Variants in SLC25A33 observed in about 807,000 individuals in gnomAD.
SLC25A33 encodes bone marrow stromal cell mitochondrial carrier protein.
Under a neutral mutation model 35.5 loss-of-function variants are expected in SLC25A33, and 15 were observed. The ratio of observed to expected loss-of-function variants is 0.42; its 90% CI spans 0.28 to 0.65. The LOEUF (loss-of-function observed/expected upper bound fraction) is 0.65, where lower values mean the gene tolerates loss of function less well. Among genes scored for constraint, SLC25A33 ranks in the 30% least tolerant of loss-of-function variants. The pLI, the probability that SLC25A33 is intolerant of heterozygous loss-of-function variation, is 0.20. For synonymous variants in SLC25A33, 136 were observed against 148.7 expected (o/e 0.91, Z 0.62); for missense variants, 257 against 398.5 (o/e 0.64, Z 3.02).
chr1:9,576,741 T>C lies in SLC25A33; in HGVS notation c.483-3213T>C, dbSNP rs568270640. On this transcript the variant is annotated intron_variant, in intron 5 of 6. Coordinates refer to ENST00000302692, the MANE Select transcript of SLC25A33 (RefSeq NM_032315.3). ...ACATTGTTATCCAGGAGGATGGGTC[T>C]CTTGTTGAAATCCGAAATTTCTTGG... 113 of 899,092 alleles carry C rather than the reference T, an allele frequency of 1.3e-4. No individual in the cohort carries two copies. The Middle Eastern group carries it at 1.3e-3, about 11-fold the overall frequency. The allele number at this position is 899,092 out of a possible 1,614,324, so 55.7% of individuals were successfully genotyped here.
At chr1:9,561,074 T>G (rs1011302415) in intron 2 of SLC25A33, among the ~76,000 whole-genome samples, 3 of 151,776 alleles carry the variant, frequency 2.0e-5, no homozygotes, top group Non-Finnish European at 1.5e-5. Flanking sequence ...CTCAGCCTCC[T>G]GAGTAGCTGG....
At position 9,580,091 on chromosome 1, in the gene SLC25A33, A is replaced by G; in HGVS notation, c.620A>G (p.Tyr207Cys). The stretch of plus-strand genomic sequence containing the variant: ...GAAACTATAATCTGCTTTGCTATTT[A>G]TGAAAGTTTAAAGAAGTATCTGAAA... ...ISETIICFAIYESLKKYLKEA... is the reference protein window; with the variant it reads ...ISETIICFAICESLKKYLKEA... Residue 207 changes from tyrosine to cysteine, a missense_variant, in exon 6 of 7, where the codon TAT becomes TGT. Physicochemically the swap from Tyr to Cys is radical, Grantham distance 194. Transcript: ENST00000302692. The G allele has an allele frequency of 6.2e-7, 1 of 1,612,954 alleles. No individual in the cohort carries two copies. The highest frequency in any genetic ancestry group is 8.5e-7 in the Non-Finnish European group (1 of 1,179,196).
rs376728272 is a variant in SLC25A33 at position 9,560,982 on chromosome 1, C to T, written c.237-6302C>T. On this transcript the variant is annotated intron_variant, in intron 2 of 6. Coordinates refer to ENST00000302692, the MANE Select transcript of SLC25A33 (RefSeq NM_032315.3). ...TTTTTTTTTTTGAGGCAGAGTCTTGCTCTGTCGCCCAGGCTGGAGTGCAGT... is the reference window on the plus strand; with the variant it reads ...TTTTTTTTTTTGAGGCAGAGTCTTGTTCTGTCGCCCAGGCTGGAGTGCAGT... Among the ~76,000 whole-genome samples, 679 of 146,218 alleles carry T rather than the reference C, an allele frequency of 4.6e-3. 5 individuals are homozygous for T. The highest frequency in any genetic ancestry group is 0.016 in the African/African-American group (631 of 39,394).
intron 5 of SLC25A33, 31 bp downstream of exon 5, chr1:9,573,443 A>G: frequency 6.3e-7 from 1 of 1,592,806 alleles, no homozygotes; most frequent in Non-Finnish European, 8.6e-7. Flanking sequence ...TCCTTAATGA[A>G]AGGATTTTTG....
intron 2 of SLC25A33, among the ~76,000 whole-genome samples, chr1:9,560,273 GA>G (rs540141779): frequency 6.8e-6 from 1 of 147,604 alleles, no homozygotes. Context: ...AAAGAGAAAA[GA>G]AAAAAAACCC....
chr1:9,579,273 A>C (rs1643704443), intron 5 of SLC25A33, among the ~76,000 whole-genome samples: 2 of 152,126 alleles, frequency 1.3e-5, no homozygotes, highest in African/African-American at 4.8e-5. Context: ...ACTGTCTACC[A>C]GGAGACAGCC....
At chr1:9,573,902 A>T (rs1382620112) in intron 5 of SLC25A33, among the ~76,000 whole-genome samples, 1 of 152,088 alleles carries the variant, frequency 6.6e-6, no homozygotes, top group Admixed American at 6.6e-5. Flanking sequence ...GGCTCTGTGG[A>T]TTCCTTTGGT....
At chr1:9,557,648 A>G (rs1643363026) in intron 2 of SLC25A33, among the ~76,000 whole-genome samples, 1 of 152,200 alleles carries the variant, frequency 6.6e-6, no homozygotes, top group South Asian at 2.1e-4. Context: ...GATCTCTCAA[A>G]CGGATTCTTG....
intron 2 of SLC25A33, among the ~76,000 whole-genome samples, chr1:9,563,026 C>A (rs1643448943): frequency 6.7e-6 from 1 of 149,902 alleles, no homozygotes; most frequent in Non-Finnish European, 1.5e-5. Flanking sequence ...TCACGCCATT[C>A]TCCTGCTTCA....
Position 9,582,480 on chromosome 1 carries a change from G to C in SLC25A33, c.945G>C (p.Leu315=). ...VLSTYELIVY[L]LEDRTQ is the part of the protein sequence containing the mutation. ...CTACTTATGAGTTAATTGTGTACCT[G>C]TTAGAAGACCGTACTCAGTAACAGG... Residue 315 remains leucine, a synonymous_variant, in exon 7 of 7, where the codon CTG becomes CTC. Transcript: ENST00000302692. The surrounding 1 kb of genome is among the most constrained non-coding windows in gnomAD (Gnocchi z 4.0). The C allele has an allele frequency of 6.2e-7, 1 of 1,613,368 alleles. No homozygotes were observed. Among genetic ancestry groups the C allele is most frequent in the East Asian group, 2.2e-5 (1 of 44,876 alleles).
chr1:9,548,643 A>G (rs1643215165), intron 1 of SLC25A33, among the ~76,000 whole-genome samples: 1 of 152,296 alleles, frequency 6.6e-6, no homozygotes, highest in East Asian at 1.9e-4. Flanking sequence ...ATAGAATGTT[A>G]TTTCTTTCTG....
intron 1 of SLC25A33, among the ~76,000 whole-genome samples, chr1:9,540,986 C>CTT (rs113357790): frequency 6.8e-6 from 1 of 146,096 alleles, no homozygotes; most frequent in African/African-American, 2.5e-5. Flanking sequence ...TTGAGACTTC[C>CTT]TTTTTTTTTT....
In SLC25A33 at chr1:9,582,602, G is replaced by T; in HGVS notation, c.*101G>T. The T allele has an allele frequency of 8.6e-7, 1 of 1,162,162 alleles. No homozygotes were observed. Among genetic ancestry groups the T allele is most frequent in the South Asian group, 1.6e-5 (1 of 63,970 alleles). The allele number at this position is 1,162,162 out of a possible 1,614,324, so 72.0% of individuals were successfully genotyped here. A position where few individuals can be genotyped will look rare whatever the true frequency, so the allele number is the denominator to read the frequency against. The stretch of plus-strand genomic sequence containing the variant: ...AAAGTTTGAGACTGAAACAGGAAAG[G>T]CCATAAAATATCTGGTTCATATCAC... On this transcript the variant is annotated 3_prime_UTR_variant, in exon 7 of 7. Coordinates refer to ENST00000302692, the MANE Select transcript of SLC25A33 (RefSeq NM_032315.3). This position sits in a 1 kb window ranked among gnomAD's most constrained non-coding sequence, Gnocchi z 4.0.
At chr1:9,570,156 A>T (rs1297810571) in intron 3 of SLC25A33, 102 bp from the exon 4 acceptor site, 5 of 976,196 alleles carry the variant, frequency 5.1e-6, no homozygotes, top group Non-Finnish European at 7.8e-6. Flanking sequence ...ACATGGCAGC[A>T]TCTTTCCCAT....
chr1:9,545,758 A>C (rs986055755), intron 1 of SLC25A33, among the ~76,000 whole-genome samples: 1 of 151,042 alleles, frequency 6.6e-6, no homozygotes, highest in Non-Finnish European at 1.5e-5. Flanking sequence ...TCAGGAGTTC[A>C]AGACCAGCCT....
In SLC25A33 at chr1:9,567,401, A is replaced by G. The variant is rs528186150; in HGVS notation, c.314+40A>G. On this transcript the variant is annotated intron_variant, in intron 3 of 6. Coordinates refer to ENST00000302692, the MANE Select transcript of SLC25A33 (RefSeq NM_032315.3). Reference sequence around the variant, plus strand: ...TTCCAGCTAGCTCATGCTAAGCAGTATGGAATTCTGGGTCCTTTCTTACCA... The same window carrying G: ...TTCCAGCTAGCTCATGCTAAGCAGTGTGGAATTCTGGGTCCTTTCTTACCA... 107 of 1,573,736 alleles carry G rather than the reference A, an allele frequency of 6.8e-5. No individual in the cohort carries two copies. The South Asian group carries it at 8.6e-4, about 13-fold the overall frequency.
intron 5 of SLC25A33, chr1:9,576,304 T>C (rs1014370789): frequency 4.4e-5 from 12 of 271,422 alleles, no homozygotes; most frequent in Middle Eastern, 1.4e-3. Flanking sequence ...CCACTAGACC[T>C]TCAAGAGTCA....
chr1:9,581,167 C>A (rs567477667), intron 6 of SLC25A33, among the ~76,000 whole-genome samples: 20 of 152,224 alleles, frequency 1.3e-4, no homozygotes, highest in Admixed American at 1.2e-3. Flanking sequence ...TCAGTGATGC[C>A]TCCCAGGGTC....
intron 1 of SLC25A33, among the ~76,000 whole-genome samples, chr1:9,548,189 T>G (rs773539855): frequency 1.3e-5 from 2 of 152,234 alleles, no homozygotes; most frequent in Non-Finnish European, 2.9e-5. Flanking sequence ...CTTCAAACTT[T>G]AATCATACAC....
Sources: gnomAD v4.1 joint callset for allele counts (sites outside exome capture counted in the v4.1 genomes callset) on GRCh38, gnomAD v4.1.1 for gene constraint, Gnocchi (gnomAD v3.1) non-coding constraint, MANE v1.5 for transcripts, NCBI Gene and HGNC (gene_info 2026-07-23, HGNC 2026-07-21) for gene names.